The following LARP1B variants were observed in gnomAD, a reference collection of about 807,000 sequenced individuals.
LARP1B encodes the protein La ribonucleoprotein 1B, also known as la-related protein 1B.
In LARP1B, 76 loss-of-function variants were observed where a neutral mutation model predicts 114.2. The ratio of observed to expected loss-of-function variants is 0.67; its 90% CI spans 0.55 to 0.81. The LOEUF is 0.81. Among genes scored for constraint, LARP1B ranks in the 30% least tolerant of loss-of-function variants. LARP1B has a pLI of 0.00. For synonymous variants in LARP1B, 345 were observed against 348.0 expected (o/e 0.99, Z 0.10); for missense variants, 1,014 against 1,075.8 (o/e 0.94, Z 0.80).
intron 11 of LARP1B, among the ~76,000 whole-genome samples, chr4:128,128,071 T>C (rs78563214): frequency 0.018 from 2,737 of 152,254 alleles, 66 homozygotes; most frequent in East Asian, 0.1. Context: ...CAACTTGATA[T>C]CTACAAACAA....
chr4:128,078,079 G>T, intron 4 of LARP1B, 117 bp downstream of exon 4: 1 of 680,414 alleles, frequency 1.5e-6, no homozygotes, highest in African/African-American at 1.9e-5. Flanking sequence ...ATTTCTTCAG[G>T]ATAAACAATC....
At position 128,210,183 on chromosome 4, in the gene LARP1B, T is replaced by C; in HGVS notation, c.*130T>C. The C allele has an allele frequency of 6.8e-7, 1 of 1,480,504 alleles. No individual in the cohort carries two copies. The highest frequency in any genetic ancestry group is 8.9e-7 in the Non-Finnish European group (1 of 1,117,398). The allele number at this position is 1,480,504 out of a possible 1,614,324, so 91.7% of individuals were successfully genotyped here. A position where few individuals can be genotyped will look rare whatever the true frequency, so the allele number is the denominator to read the frequency against. On this transcript the variant is annotated 3_prime_UTR_variant, in exon 20 of 20. Transcript: ENST00000326639. The stretch of plus-strand genomic sequence containing the variant: ...TATTTGGGGAAAATCTTCTGGTGTT[T>C]AATTGTGATAATAAGAAAGAAGAAA...
At chr4:128,130,741 G>C (rs1348088738) in intron 11 of LARP1B, among the ~76,000 whole-genome samples, 15 of 152,200 alleles carry the variant, frequency 9.9e-5, no homozygotes, top group Non-Finnish European at 2.9e-5. Flanking sequence ...GTTTATAGCA[G>C]CTTATCCATA....
chr4:128,132,553 A>G (rs1184410564), intron 11 of LARP1B, among the ~76,000 whole-genome samples: 2 of 151,994 alleles, frequency 1.3e-5, no homozygotes, highest in African/African-American at 4.8e-5. Context: ...GCCAATTTTT[A>G]AATTTTTATT....
chr4:128,222,539 G>T (rs1395143978), exon 8 of LARP1B: 17 of 273,530 alleles, frequency 6.2e-5, no homozygotes, highest in South Asian at 5.3e-4. Flanking sequence ...TTTCTGCCCT[G>T]GGACATTTTT....
At chr4:128,070,513 C>A (rs1579760882) in intron 1 of LARP1B, among the ~76,000 whole-genome samples, 1 of 148,814 alleles carries the variant, frequency 6.7e-6, no homozygotes, top group Non-Finnish European at 1.5e-5. Flanking sequence ...ATACAAAAAT[C>A]AGCTGAGTGT....
At chr4:128,073,139 C>T (rs1035889341) in intron 1 of LARP1B, among the ~76,000 whole-genome samples, 5 of 151,940 alleles carry the variant, frequency 3.3e-5, no homozygotes, top group African/African-American at 4.8e-5. Flanking sequence ...CTTGGCTGGG[C>T]GCCGTGGCTC....
At chr4:128,098,369 C>G (rs371108172) in intron 8 of LARP1B, 39 bp downstream of exon 8, 3 of 1,550,984 alleles carry the variant, frequency 1.9e-6, no homozygotes, top group Admixed American at 3.5e-5. Context: ...ACTTTCTGCT[C>G]AAATTTCCTT....
At chr4:128,113,216 G>A (rs1332472714) in intron 9 of LARP1B, among the ~76,000 whole-genome samples, 1 of 151,954 alleles carries the variant, frequency 6.6e-6, no homozygotes, top group African/African-American at 2.4e-5. Flanking sequence ...GACACCTTGT[G>A]TTCAAAGCAA....
chr4:128,190,597 A>G (rs1433022847), intron 15 of LARP1B, among the ~76,000 whole-genome samples: 2 of 152,012 alleles, frequency 1.3e-5, no homozygotes, highest in African/African-American at 4.8e-5. Context: ...ACAAGATCTG[A>G]TGGTTTTATA....
intron 10 of LARP1B, among the ~76,000 whole-genome samples, chr4:128,119,214 C>G (rs981563356): frequency 6.6e-6 from 1 of 152,090 alleles, no homozygotes; most frequent in Admixed American, 6.6e-5. Context: ...GTGAAAACGT[C>G]CTATGGACTT....
At chr4:128,178,686 T>G in intron 14 of LARP1B, 44 bp downstream of exon 14, 2 of 1,368,612 alleles carry the variant, frequency 1.5e-6, no homozygotes, top group Non-Finnish European at 2.1e-6. Context: ...TTTTGTATCC[T>G]TTAACATTAC....
chr4:128,097,720 A>G (rs1778586555), intron 7 of LARP1B, among the ~76,000 whole-genome samples: 1 of 152,186 alleles, frequency 6.6e-6, no homozygotes, highest in Non-Finnish European at 1.5e-5. Flanking sequence ...TCTGTATGTG[A>G]ATTTGACAAA....
intron 5 of LARP1B, among the ~76,000 whole-genome samples, chr4:128,085,958 C>T (rs986117186): frequency 4.0e-5 from 6 of 148,502 alleles, no homozygotes; most frequent in Non-Finnish European, 8.9e-5. Flanking sequence ...AGTCCCATGT[C>T]TAGTGGAATT....
intron 11 of LARP1B, chr4:128,155,579 G>GC: frequency 2.3e-6 from 2 of 857,650 alleles, no homozygotes; most frequent in Non-Finnish European, 2.0e-6. Flanking sequence ...CCCAGCAGTT[G>GC]CCCCAGGCCT....
intron 8 of LARP1B, among the ~76,000 whole-genome samples, chr4:128,098,761 ATATATATTTTTTT>A (rs1779082605): frequency 2.8e-5 from 1 of 35,316 alleles, no homozygotes; most frequent in Admixed American, 3.7e-4. Context: ...ATATATATAT[ATATATATTTTTTT>A]TTTTTTTTTT....
intron 12 of LARP1B, 114 bp from the exon 13 acceptor site, chr4:128,176,758 C>T (rs1172148509): frequency 6.5e-6 from 6 of 923,218 alleles, no homozygotes; most frequent in Non-Finnish European, 1.0e-5. Context: ...GAGACTTACT[C>T]TTGGCATCTA....
chr4:128,098,747 GTATATATATA>G (rs1554010737), intron 8 of LARP1B, among the ~76,000 whole-genome samples: 2 of 15,594 alleles, frequency 1.3e-4, no homozygotes, highest in Admixed American at 2.0e-3. Flanking sequence ...ATATGTATGT[GTATATATATA>G]TATATATATA....
At chr4:128,152,207 A>T (rs1389794954) in intron 11 of LARP1B, among the ~76,000 whole-genome samples, 6 of 140,636 alleles carry the variant, frequency 4.3e-5, no homozygotes, top group Non-Finnish European at 3.1e-5. Flanking sequence ...TAAGATGGTG[A>T]TTTTTTTTTT....
Sources: gnomAD v4.1 joint callset for allele counts (sites outside exome capture counted in the v4.1 genomes callset) on GRCh38, gnomAD v4.1.1 for gene constraint, MANE v1.5 for transcripts, NCBI Gene and HGNC (gene_info 2026-07-23, HGNC 2026-07-21) for gene names.